DUOX2: variants seen among roughly 807,000 people sequenced by gnomAD.
The protein encoded by DUOX2 is dual oxidase 2.
A neutral mutation model predicts 183.3 loss-of-function variants in DUOX2; 185 were observed. The observed-to-expected ratio is 1.01, with a 90% CI of 0.90 to 1.14. The LOEUF (loss-of-function observed/expected upper bound fraction) is 1.14. Ranked by LOEUF, DUOX2 falls within the 50% of genes most tolerant of loss-of-function variation. The pLI is 0.00. For missense variants in DUOX2, 1,999 were observed against 2,022.9 expected, an observed-to-expected ratio of 0.99 and a Z score of 0.23; for synonymous variants, 788 against 812.4, an observed-to-expected ratio of 0.97 and a Z score of 0.51.
chr15:45,101,759 C>A (rs759244110), intron 21 of DUOX2, 34 bp downstream of exon 21: 13 of 1,614,096 alleles, frequency 8.1e-6, no homozygotes, highest in South Asian at 1.1e-5. Flanking sequence ...ACACGCCCCC[C>A]CTCCCTGACG....
intron 26 of DUOX2, chr15:45,099,033 C>T (rs569078022): frequency 1.5e-3 from 318 of 209,672 alleles, no homozygotes; most frequent in Non-Finnish European, 1.9e-3. Context: ...TTTTTTGAGA[C>T]GGAGTCTCAC....
rs1336395255 is a variant in DUOX2, at chr15:45,097,386, G to C, written c.3699C>G (p.Ile1233Met). 1 of 1,614,264 alleles carries C rather than the reference G, an allele frequency of 6.2e-7. No homozygotes were observed. Among genetic ancestry groups the C allele is most frequent in the Admixed American group, 1.7e-5 (1 of 60,036 alleles). Reference protein sequence around the residue: ...HLYILLYALLIIHGSYALIQL... With the variant: ...HLYILLYALLMIHGSYALIQL... The stretch of plus-strand genomic sequence containing the variant: ...GGATCAGAGCATAGCTGCCATGGAT[G>C]ATGAGCTGGAGACACGGCCAGTTAG... Residue 1233 changes from isoleucine to methionine, a missense_variant, in exon 29 of 34, where the codon ATC (isoleucine) becomes ATG (methionine). Transcript: ENST00000389039.
rs1894533534 is a variant in DUOX2, at chr15:45,114,076, G to A, written c.-118C>T. ...TCACCCTCACTCTTCCAGCTCCGCC[G>A]ATCCTCAGCCTCCCCGGCTGCACTC... On this transcript the variant is annotated 5_prime_UTR_variant, in exon 1 of 34. Coordinates refer to ENST00000389039, the MANE Select transcript of DUOX2 (RefSeq NM_001363711.2). 1 of 202,242 alleles carries A rather than the reference G, an allele frequency of 4.9e-6. No homozygotes were observed. Among genetic ancestry groups the A allele is most frequent in the Non-Finnish European group, 1.0e-5 (1 of 98,074 alleles). The allele number at this position is 202,242 out of a possible 1,614,324, so 12.5% of individuals were successfully genotyped here.
intron 18 of DUOX2, 84 bp from the exon 19 acceptor site, chr15:45,104,449 C>T (rs1038632991): frequency 6.5e-7 from 1 of 1,531,230 alleles, no homozygotes; most frequent in Admixed American, 2.0e-5. Context: ...TTCATATCTC[C>T]CCAAAGTCCA....
In DUOX2 at chr15:45,100,071, C is replaced by T. The variant is rs367803824; in HGVS notation, c.3163G>A (p.Val1055Met). Residue 1055 changes from valine to methionine, a missense_variant, in exon 24 of 34, where the codon GTG becomes ATG. Physicochemically the swap from Val to Met is conservative, Grantham distance 21. Coordinates refer to ENST00000389039, the MANE Select transcript of DUOX2 (RefSeq NM_001363711.2). ...TTACAGTAAGCACGATCTGCAAACACGCCAACACAGATGGCCGAGAAGATT... is the reference window on the plus strand; with the variant it reads ...TTACAGTAAGCACGATCTGCAAACATGCCAACACAGATGGCCGAGAAGATT... ...VAIFSAICVG[V>M]FADRAYYYGF... 76 of 1,614,128 alleles carry T rather than the reference C, an allele frequency of 4.7e-5. 1 individual carries two copies. In the South Asian group the frequency reaches 6.3e-4, roughly 13 times the overall value.
Position 45,093,828 on chromosome 15 carries a change from T to G in DUOX2, c.*322A>C, listed in dbSNP as rs1595517495. 5 of 352,434 alleles carry G rather than the reference T, an allele frequency of 1.4e-5. No homozygotes were observed. The highest frequency in any genetic ancestry group is 2.7e-5 in the South Asian group (1 of 37,134). 21.8% of individuals were successfully genotyped at this position (352,434 alleles called of 1,614,324 possible). On this transcript the variant is annotated 3_prime_UTR_variant, in exon 34 of 34. Transcript: ENST00000389039. ...CCATGGCTTGAGCTGGGGTGAGGAG[T>G]GGTCTTTATCTTCTTTGGGAGATCC...
At chr15:45,102,099 G>C in intron 20 of DUOX2, 110 bp from the exon 21 acceptor site, 1 of 1,381,228 alleles carries the variant, frequency 7.2e-7, no homozygotes, top group Non-Finnish European at 1.0e-6. Context: ...AGTGACCCGG[G>C]AAATGGCACT....
rs1894095303 is a variant in DUOX2, at chr15:45,101,954, T to G, written c.2690A>C (p.Lys897Thr). Residue 897 changes from lysine (K) to threonine (T), a missense_variant, in exon 21 of 34, where the codon AAG (lysine) becomes ACG (threonine). Lys to Thr is a moderately conservative substitution (Grantham distance 78). This residue lies in a region of DUOX2 where 1,628 missense variants were observed against 1,608.6 expected (regional missense o/e 1.01). Coordinates refer to ENST00000389039, the MANE Select transcript of DUOX2 (RefSeq NM_001363711.2). ...CTCCACCACCTCGGCCAGCTGGGCC[T>G]TGGACAGGCAGTTGTTGGAGATCTC... Reference protein sequence around the residue: ...FIEISNNCLSKAQLAEVVESM... With the variant: ...FIEISNNCLSTAQLAEVVESM... The G allele has an allele frequency of 6.2e-7, 1 of 1,614,068 alleles. No homozygotes were observed. The highest frequency in any genetic ancestry group is 1.7e-5 in the Admixed American group (1 of 59,996).
chr15:45,112,080 C>T, intron 4 of DUOX2, 125 bp from the exon 5 acceptor site: 5 of 1,197,076 alleles, frequency 4.2e-6, no homozygotes, highest in Non-Finnish European at 6.0e-6. Flanking sequence ...CCGCCACCAG[C>T]TCTGCACGTT....
intron 27 of DUOX2, 21 bp downstream of exon 27, chr15:45,097,988 C>A: frequency 3.1e-6 from 5 of 1,613,486 alleles, no homozygotes; most frequent in Non-Finnish European, 4.2e-6. Flanking sequence ...AGACAGAACC[C>A]CCAGGTCCCA....
intron 10 of DUOX2, 77 bp downstream of exon 10, chr15:45,109,813 G>T: frequency 1.4e-6 from 2 of 1,455,128 alleles, no homozygotes; most frequent in Non-Finnish European, 1.9e-6. Flanking sequence ...CTCAAGAACT[G>T]GGATTGTTGC....
chr15:45,095,635 C>A, intron 30 of DUOX2, 40 bp from the exon 31 acceptor site: 1 of 1,613,912 alleles, frequency 6.2e-7, no homozygotes, highest in Non-Finnish European at 8.5e-7. Flanking sequence ...CCTGACCCTG[C>A]CCCAGCTCTG....
rs776083796 is a variant in DUOX2 at position 45,094,324 on chromosome 15, C to G, written c.4525-52G>C. On this transcript the variant is annotated intron_variant, in intron 33 of 33. Transcript: ENST00000389039. ...GGCCTGCAGCCTAAAGGTGCTCACT[C>G]TCCTTGGGAAAAGCTGCTTCCTGAG... The G allele has an allele frequency of 1.1e-4, 177 of 1,612,954 alleles. 1 individual carries two copies. The highest frequency in any genetic ancestry group is 1.5e-4 in the South Asian group (14 of 90,932).
intron 26 of DUOX2, among the ~76,000 whole-genome samples, 173 bp from the exon 27 acceptor site, chr15:45,098,231 C>T (rs1893960838): frequency 1.3e-5 from 2 of 152,200 alleles, no homozygotes; most frequent in South Asian, 4.1e-4. Flanking sequence ...CATGGTTCCA[C>T]CCTCTGTACT....
Position 45,106,119 on chromosome 15 carries a change from C to A in DUOX2, c.2148+6G>T, listed in dbSNP as rs1216185108. 6.2e-7 allele frequency: 1 copy of A among 1,613,988 alleles called. No homozygotes were observed. The highest frequency in any genetic ancestry group is 1.3e-5 in the African/African-American group (1 of 74,904). Reference sequence around the variant, plus strand: ...GCCCAGGCTGGGGAGGCAGGACGAGCCATACCAGGTCATACTCCTTAGGGA... The same window carrying A: ...GCCCAGGCTGGGGAGGCAGGACGAGACATACCAGGTCATACTCCTTAGGGA... On this transcript the variant is annotated splice_donor_region_variant and intron_variant, in intron 17 of 33. Transcript: ENST00000389039.
rs2141156442 is a variant in DUOX2, at chr15:45,110,665, G to A, written c.928C>T (p.Leu310Phe). The stretch of plus-strand genomic sequence containing the variant: ...GCTCCCTCACCTGTATACTCCGGGA[G>A]TGTTTTCTGCAGGAAGCTGGGCAGC... Reference protein sequence around the residue: ...EWLPSFLQKTLPEYTGYRPFL... With the variant: ...EWLPSFLQKTFPEYTGYRPFL... The change falls in exon 8 of 34, where the codon CTC (leucine) becomes TTC (phenylalanine). Residue 310 changes from leucine to phenylalanine, a missense_variant. Leu to Phe is a conservative substitution (Grantham distance 22). Transcript: ENST00000389039. 6.2e-7 allele frequency: 1 copy of A among 1,612,822 alleles called. No homozygotes were observed. The highest frequency in any genetic ancestry group is 1.7e-5 in the Admixed American group (1 of 60,022).
chr15:45,111,622 G>A (rs1203942163), intron 5 of DUOX2, 37 bp from the exon 6 acceptor site: 1 of 1,498,064 alleles, frequency 6.7e-7, no homozygotes, highest in Non-Finnish European at 8.8e-7. Flanking sequence ...GGGTCGAGAG[G>A]CGGCGGCGGG....
At position 45,111,812 on chromosome 15, in the gene DUOX2, A is replaced by G. The variant is rs769972993; in HGVS notation, c.469T>C (p.Trp157Arg). The change falls in exon 5 of 34, where the codon TGG (tryptophan) becomes CGG (arginine). Residue 157 changes from tryptophan (W) to arginine (R), a missense_variant. Coordinates refer to ENST00000389039, the MANE Select transcript of DUOX2 (RefSeq NM_001363711.2). Reference protein sequence around the residue: ...DVVLPFQRSRWDPETGRSPSN... With the variant: ...DVVLPFQRSRRDPETGRSPSN... Reference sequence around the variant, plus strand: ...GGACTCCGTCCGGTCTCGGGGTCCCAGCGGCTCCTCTGGAAGGGCAGCACC... The same window carrying G: ...GGACTCCGTCCGGTCTCGGGGTCCCGGCGGCTCCTCTGGAAGGGCAGCACC... 8 of 1,612,620 alleles carry G rather than the reference A, an allele frequency of 5.0e-6. No individual in the cohort carries two copies. The highest frequency in any genetic ancestry group is 6.8e-6 in the Non-Finnish European group (8 of 1,179,650).
In DUOX2 at chr15:45,106,183, A is replaced by T. The variant is rs751383345; in HGVS notation, c.2090T>A (p.Leu697Gln). The change falls in exon 17 of 34, where the codon CTG (leucine) becomes CAG (glutamine). Residue 697 changes from leucine (L) to glutamine (Q), a missense_variant. Around this residue, in one of 3 missense-constraint regions of DUOX2, gnomAD observed 1,628 missense variants for 1,608.6 expected, o/e 1.01. Transcript: ENST00000389039. ...LQPLQQVNLI[L>Q]SNNRGCRTLL... is the part of the protein sequence containing the mutation. ...GGTGCGGCATCCTCGGTTGTTGGAC[A>T]GGATGAGGTTGACCTGCTGCAGAGG... 1.2e-6 allele frequency: 2 copies of T among 1,614,254 alleles called. No individual in the cohort carries two copies. The highest frequency in any genetic ancestry group is 1.7e-5 in the Admixed American group (1 of 60,034).
Sources: gnomAD v4.1 joint callset for allele counts (sites outside exome capture counted in the v4.1 genomes callset) on GRCh38, gnomAD v4.1.1 for gene constraint, gnomAD v4.1.1 regional missense constraint, MANE v1.5 for transcripts, NCBI Gene and HGNC (gene_info 2026-07-23, HGNC 2026-07-21) for gene names.